The following ZNF22 variants were observed in gnomAD, a reference collection of about 807,000 sequenced individuals.
ZNF22 encodes zinc finger protein 22, also known as krox-26 protein.
ZNF22 carries 15 observed loss-of-function variants against 17.0 expected under a neutral mutation model. The observed-to-expected ratio is 0.88, with a 90% confidence interval of 0.59 to 1.36. The LOEUF is 1.36. ZNF22 is among the 40% of genes most tolerant of loss of function. The pLI is 0.00. For synonymous variants in ZNF22, 84 were observed against 90.7 expected (o/e 0.93, Z 0.42); for missense variants, 272 against 276.1 (o/e 0.98, Z 0.11).
In ZNF22 at chr10:45,003,858, G is replaced by A. The variant is rs1439786842; in HGVS notation, c.490G>A (p.Glu164Lys). The change falls in exon 2 of 2, where the codon GAG becomes AAG. Residue 164 changes from glutamate (E) to lysine (K), a missense_variant. Coordinates refer to ENST00000298299, the MANE Select transcript of ZNF22 (RefSeq NM_006963.5). ...TCAACATCAGAGAACCCACACTGGG[G>A]AGAAACCCTACCAGTGCAGTGAATG... Reference protein sequence around the residue: ...LIQHQRTHTGEKPYQCSECGK... With the variant: ...LIQHQRTHTGKKPYQCSECGK... The A allele has an allele frequency of 3.1e-6, 5 of 1,614,018 alleles. No individual in the cohort carries two copies. Among genetic ancestry groups the A allele is most frequent in the Non-Finnish European group, 3.4e-6 (4 of 1,180,008 alleles).
intron 1 of ZNF22, among the ~76,000 whole-genome samples, chr10:45,001,582 C>T (rs1408237339): frequency 2.0e-5 from 3 of 152,178 alleles, no homozygotes; most frequent in Admixed American, 2.0e-4. Flanking sequence ...CTGGACTGAG[C>T]AATGGAAGAT....
Position 45,003,883 on chromosome 10 carries a change from G to A in ZNF22, c.515G>A (p.Cys172Tyr). The A allele has an allele frequency of 6.2e-7, 1 of 1,614,190 alleles. No individual in the cohort carries two copies. Among genetic ancestry groups the A allele is most frequent in the Non-Finnish European group, 8.5e-7 (1 of 1,180,030 alleles). Reference protein sequence around the residue: ...TGEKPYQCSECGKCFSQSSHL... With the variant: ...TGEKPYQCSEYGKCFSQSSHL... ...GAGAAACCCTACCAGTGCAGTGAATGTGGCAAATGTTTCAGTCAGAGCTCT... is the reference window on the plus strand; with the variant it reads ...GAGAAACCCTACCAGTGCAGTGAATATGGCAAATGTTTCAGTCAGAGCTCT... Residue 172 changes from cysteine (C) to tyrosine (Y), a missense_variant, in exon 2 of 2, where the codon TGT (cysteine) becomes TAT (tyrosine). Physicochemically the swap from Cys to Tyr is radical, Grantham distance 194 (BLOSUM62 -2). Coordinates refer to ENST00000298299, the MANE Select transcript of ZNF22 (RefSeq NM_006963.5).
chr10:45,002,449 C>G (rs1322809640), intron 1 of ZNF22: 1 of 152,182 alleles, frequency 6.6e-6, no homozygotes, highest in Non-Finnish European at 1.5e-5. Context: ...TTTTCTCCCC[C>G]CTCTCCTTTT....
Position 45,003,530 on chromosome 10 carries a change from C to G in ZNF22, c.162C>G (p.Pro54=), listed in dbSNP as rs1196404797. The change falls in exon 2 of 2, where the codon CCC becomes CCG. Residue 54 remains proline, a synonymous_variant. Transcript: ENST00000298299. The part of the protein sequence containing the change: ...SRLRRSLDDK[P]YKCTECEKSF... ...TCAGAAGAAGCTTGGATGACAAACC[C>G]TATAAATGTACTGAATGTGAAAAGA... 5 of 1,614,230 alleles carry G rather than the reference C, an allele frequency of 3.1e-6. No homozygotes were observed. Among genetic ancestry groups the G allele is most frequent in the Non-Finnish European group, 2.5e-6 (3 of 1,180,046 alleles).
intron 1 of ZNF22, among the ~76,000 whole-genome samples, chr10:45,001,454 C>T (rs74995926): frequency 0.014 from 2,189 of 152,302 alleles, 47 homozygotes; most frequent in African/African-American, 0.05. Context: ...CCCCATTTTA[C>T]GAGGAAACTG....
chr10:45,001,630 T>G (rs1842333931), intron 1 of ZNF22, among the ~76,000 whole-genome samples: 1 of 152,186 alleles, frequency 6.6e-6, no homozygotes, highest in Admixed American at 6.5e-5. Flanking sequence ...GGAGTCAAAC[T>G]GCTAGGGTCT....
Position 45,003,786 on chromosome 10 carries a change from C to T in ZNF22, c.418C>T (p.Gln140Ter), listed in dbSNP as rs1435728082. ...QRIHTGEKPY[Q>*]CDECGRCFSQ... ...AATTCATACTGGAGAAAAACCCTAT[C>T]AGTGTGATGAGTGTGGCCGGTGTTT... The change falls in exon 2 of 2, where the codon CAG becomes TAG. Residue 140 changes from glutamine to a stop codon, truncating the protein, a stop_gained. Transcript: ENST00000298299. LOFTEE classifies it high-confidence loss of function. The T allele has an allele frequency of 2.5e-6, 4 of 1,614,192 alleles. No individual in the cohort carries two copies. The highest frequency in any genetic ancestry group is 3.4e-6 in the Non-Finnish European group (4 of 1,180,030).
Position 45,003,826 on chromosome 10 carries a change from A to C in ZNF22, c.458A>C (p.His153Pro), listed in dbSNP as rs751619867. The C allele has an allele frequency of 2.5e-6, 4 of 1,614,134 alleles. No individual in the cohort carries two copies. The South Asian group carries it at 4.4e-5, about 18-fold the overall frequency. ...GGCCGGTGTTTCAGCCAGAGCTCCCACCTTATTCAACATCAGAGAACCCAC... is the reference window on the plus strand; with the variant it reads ...GGCCGGTGTTTCAGCCAGAGCTCCCCCCTTATTCAACATCAGAGAACCCAC... ...ECGRCFSQSSHLIQHQRTHTG... is the reference protein window; with the variant it reads ...ECGRCFSQSSPLIQHQRTHTG... Residue 153 changes from histidine to proline, a missense_variant, in exon 2 of 2, where the codon CAC becomes CCC. Physicochemically the swap from His to Pro is moderately conservative, Grantham distance 77. Transcript: ENST00000298299.
At chr10:45,003,255 A>C (rs1842347604) in intron 1 of ZNF22, 25 bp from the exon 2 acceptor site, 2 of 990,010 alleles carry the variant, frequency 2.0e-6, no homozygotes. Flanking sequence ...GATCATCTCT[A>C]AATTTTTTTT....
Position 45,003,508 on chromosome 10 carries a change from G to C in ZNF22, c.140G>C (p.Arg47Thr). The C allele has an allele frequency of 6.2e-7, 1 of 1,614,254 alleles. No individual in the cohort carries two copies. Among genetic ancestry groups the C allele is most frequent in the Non-Finnish European group, 8.5e-7 (1 of 1,180,044 alleles). The change falls in exon 2 of 2, where the codon AGA (arginine) becomes ACA (threonine). Residue 47 changes from arginine to threonine, a missense_variant. By Grantham distance (71) the Arg-to-Thr change is moderately conservative (BLOSUM62 -1). Transcript: ENST00000298299. ...TTTGACTCAAGCTTCAGTAGACTCA[G>C]AAGAAGCTTGGATGACAAACCCTAT... is the stretch of plus-strand genomic sequence containing the variant. Reference protein sequence around the residue: ...IRFDSSFSRLRRSLDDKPYKC... With the variant: ...IRFDSSFSRLTRSLDDKPYKC...
At chr10:45,003,088 A>C (rs1842346516) in intron 1 of ZNF22, 192 bp from the exon 2 acceptor site, 1 of 301,058 alleles carries the variant, frequency 3.3e-6, no homozygotes. Context: ...TAAACTCTGG[A>C]ATTGTTAGAA....
rs750462241 is a variant in ZNF22, at chr10:45,003,556, G to A, written c.188G>A (p.Ser63Asn). ...TATAAATGTACTGAATGTGAAAAGA[G>A]TTTCAGTCAGAGTTCAACTCTTTTT... ...KPYKCTECEK[S>N]FSQSSTLFQH... Residue 63 changes from serine to asparagine, a missense_variant, in exon 2 of 2, where the codon AGT (serine) becomes AAT (asparagine). Physicochemically the swap from Ser to Asn is conservative, Grantham distance 46. Coordinates refer to ENST00000298299, the MANE Select transcript of ZNF22 (RefSeq NM_006963.5). The A allele has an allele frequency of 6.2e-7, 1 of 1,614,198 alleles. No individual in the cohort carries two copies. The highest frequency in any genetic ancestry group is 2.2e-5 in the East Asian group (1 of 44,890).
chr10:45,003,362 A>C lies in ZNF22; in HGVS notation c.-7A>C. The C allele has an allele frequency of 6.3e-7, 1 of 1,575,318 alleles. No individual in the cohort carries two copies. ...AACTCTCTTACAAATACATTTGGTT[A>C]TTCACCATGAGGTTAGCAAAGCCTA... On this transcript the variant is annotated 5_prime_UTR_variant, in exon 2 of 2. Transcript: ENST00000298299.
chr10:45,004,354 A>AT lies in ZNF22; in HGVS notation c.*312dup, dbSNP rs1191075076. ...TTTCAAAAACCATCATGTTTTGTAG[A>AT]TACATTTTGAGAAAAACCATCATGT... On this transcript the variant is annotated 3_prime_UTR_variant, in exon 2 of 2. Transcript: ENST00000298299. The AT allele has an allele frequency of 2.6e-5, 6 of 229,476 alleles. No individual in the cohort carries two copies. Among genetic ancestry groups the AT allele is most frequent in the Non-Finnish European group, 4.6e-5 (5 of 109,074 alleles). The allele number at this position is 229,476 out of a possible 1,614,324, so 14.2% of individuals were successfully genotyped here. A position where few individuals can be genotyped will look rare whatever the true frequency, so the allele number is the denominator to read the frequency against.
Position 45,003,950 on chromosome 10 carries a change from T to TCGTAAAACC in ZNF22, c.585_593dup (p.Lys196_Arg198dup). Reference sequence around the variant, plus strand: ...TGAAGGTGCATAAAGAAGAGAAGCCTCGTAAAACCCGGGGCAAAAATATCA... The same window carrying TCGTAAAACC: ...TGAAGGTGCATAAAGAAGAGAAGCCTCGTAAAACCCGTAAAACCCGGGGCAAAAATATCA... On this transcript the variant is annotated inframe_insertion, in exon 2 of 2. Coordinates refer to ENST00000298299, the MANE Select transcript of ZNF22 (RefSeq NM_006963.5). 1 of 1,614,110 alleles carries TCGTAAAACC rather than the reference T, an allele frequency of 6.2e-7. No individual in the cohort carries two copies. Among genetic ancestry groups the TCGTAAAACC allele is most frequent in the Non-Finnish European group, 8.5e-7 (1 of 1,180,020 alleles).
chr10:45,004,036 T>A lies in ZNF22; in HGVS notation c.668T>A (p.Leu223His). Residue 223 changes from leucine to histidine, a missense_variant, in exon 2 of 2, where the codon CTC becomes CAC. Physicochemically the swap from Leu to His is moderately conservative, Grantham distance 99. Coordinates refer to ENST00000298299, the MANE Select transcript of ZNF22 (RefSeq NM_006963.5). Reference protein sequence around the residue: ...AGTGRKSVAGLR With the variant: ...AGTGRKSVAGHR ...ACAGGAAGGAAGTCTGTGGCTGGTC[T>A]CCGTTAAGTATAGGGCTTTTTGACA... 6 of 1,608,732 alleles carry A rather than the reference T, an allele frequency of 3.7e-6. No homozygotes were observed. Among genetic ancestry groups the A allele is most frequent in the Non-Finnish European group, 5.1e-6 (6 of 1,177,074 alleles).
Position 45,004,351 on chromosome 10 carries a change from T to C in ZNF22, c.*308T>C, listed in dbSNP as rs11471. 187,888 of 247,318 alleles carry C rather than the reference T, an allele frequency of 0.76. 71,604 individuals carry two copies. Among genetic ancestry groups the C allele is most frequent in the Admixed American group, 0.79 (15,304 of 19,396 alleles). The allele number at this position is 247,318 out of a possible 1,614,324, so 15.3% of individuals were successfully genotyped here. A position where few individuals can be genotyped will look rare whatever the true frequency, so the allele number is the denominator to read the frequency against. ...CATTTTCAAAAACCATCATGTTTTGTAGATACATTTTGAGAAAAACCATCA... is the reference window on the plus strand; with the variant it reads ...CATTTTCAAAAACCATCATGTTTTGCAGATACATTTTGAGAAAAACCATCA... On this transcript the variant is annotated 3_prime_UTR_variant, in exon 2 of 2. Transcript: ENST00000298299.
chr10:45,000,971 C>G lies in ZNF22; in HGVS notation c.-97C>G, dbSNP rs1588860003. 14 of 842,544 alleles carry G rather than the reference C, an allele frequency of 1.7e-5. No homozygotes were observed. The highest frequency in any genetic ancestry group is 9.1e-5 in the East Asian group (1 of 10,952). The allele number at this position is 842,544 out of a possible 1,614,324, so 52.2% of individuals were successfully genotyped here. A position where few individuals can be genotyped will look rare whatever the true frequency, so the allele number is the denominator to read the frequency against. On this transcript the variant is annotated 5_prime_UTR_variant, in exon 1 of 2. Coordinates refer to ENST00000298299, the MANE Select transcript of ZNF22 (RefSeq NM_006963.5). ...CCAGCGAGCCAGAGTGGTGGCTGGT[C>G]CCGCGCGGTGAGTGGGATTGGGGCA...
chr10:45,003,394 G>T lies in ZNF22; in HGVS notation c.26G>T (p.Gly9Val). 1 of 1,609,654 alleles carries T rather than the reference G, an allele frequency of 6.2e-7. No individual in the cohort carries two copies. Among genetic ancestry groups the T allele is most frequent in the Non-Finnish European group, 8.5e-7 (1 of 1,177,910 alleles). The change falls in exon 2 of 2, where the codon GGT becomes GTT. Residue 9 changes from glycine (G) to valine (V), a missense_variant. Physicochemically the swap from Gly to Val is moderately radical, Grantham distance 109. Transcript: ENST00000298299. MRLAKPKA[G>V]ISRSSSQGKA... ...ATGAGGTTAGCAAAGCCTAAAGCGG[G>T]TATTTCTCGGAGCTCAAGCCAAGGA...
Sources: allele counts gnomAD v4.1 joint callset (sites outside exome capture counted in the v4.1 genomes callset), GRCh38; gene constraint gnomAD v4.1.1; transcripts MANE v1.5; gene names NCBI Gene and HGNC (gene_info 2026-07-23, HGNC 2026-07-21).